The following ARMC5 variants were observed in gnomAD, a reference collection of about 807,000 sequenced individuals.
ARMC5 encodes armadillo repeat-containing protein 5.
Under a neutral mutation model 60.5 loss-of-function variants are expected in ARMC5, and 28 were observed. That is an observed-to-expected ratio of 0.46 (90% CI 0.34 to 0.63). The LOEUF (loss-of-function observed/expected upper bound fraction) is 0.63. ARMC5 is among the 30% of genes least tolerant of loss of function. The probability of loss-of-function intolerance (pLI) is 0.01; values close to 1 mark genes in which losing one functional copy is unlikely to be tolerated. For missense variants in ARMC5, 1,189 were observed against 1,304.9 expected (o/e 0.91, Z 1.37); for synonymous variants, 680 against 607.3 (o/e 1.12, Z -1.76).
intron 4 of ARMC5, chr16:31,465,254 A>T: frequency 6.5e-7 from 1 of 1,534,132 alleles, no homozygotes; most frequent in Non-Finnish European, 8.8e-7. Context: ...CATCACCCCC[A>T]GCACTGCCAG....
At chr16:31,465,570 T>C (rs976987779) in intron 4 of ARMC5, 2 of 1,231,532 alleles carry the variant, frequency 1.6e-6, no homozygotes, top group Non-Finnish European at 2.1e-6. Context: ...TATATTGTAT[T>C]ATACTGGAAC....
rs1333344606 is a variant in ARMC5, at chr16:31,464,278, A to G, written c.1371-116A>G. The G allele has an allele frequency of 3.3e-6, 3 of 902,630 alleles. No individual in the cohort carries two copies. Among genetic ancestry groups the G allele is most frequent in the African/African-American group, 3.7e-5 (2 of 53,526 alleles). 55.9% of individuals were successfully genotyped at this position (902,630 alleles called of 1,614,324 possible). On this transcript the variant is annotated intron_variant, in intron 3 of 5. Coordinates refer to ENST00000268314, the MANE Select transcript of ARMC5 (RefSeq NM_001105247.2). The surrounding 1 kb of genome is among the most constrained non-coding windows in gnomAD (Gnocchi z 7.6). ...GCATTCCAGCCTGGGCTATAGAGGGATACCACATTTCTTTAAAAAAAAAAA... is the reference window on the plus strand; with the variant it reads ...GCATTCCAGCCTGGGCTATAGAGGGGTACCACATTTCTTTAAAAAAAAAAA...
Position 31,466,611 on chromosome 16 carries a change from C to A in ARMC5, c.2530C>A (p.Leu844Met). 1 of 1,604,350 alleles carries A rather than the reference C, an allele frequency of 6.2e-7. No individual in the cohort carries two copies. Among genetic ancestry groups the A allele is most frequent in the African/African-American group, 1.3e-5 (1 of 74,952 alleles). ...EALEAAGRFLLPGLEEELEEA... is the reference protein window; with the variant it reads ...EALEAAGRFLMPGLEEELEEA... ...ACTGGAGGCTGCTGGCCGTTTCCTA[C>A]TGCCTGGGCTGGAGGAGGAGCTGGA... The change falls in exon 6 of 6, where the codon CTG (leucine) becomes ATG (methionine). Residue 844 changes from leucine (L) to methionine (M), a missense_variant. By Grantham distance (15) the Leu-to-Met change is conservative. Coordinates refer to ENST00000268314, the MANE Select transcript of ARMC5 (RefSeq NM_001105247.2). This position sits in a 1 kb window ranked among gnomAD's most constrained non-coding sequence, Gnocchi z 8.0.
rs771753877 is a variant in ARMC5 at position 31,459,868 on chromosome 16, C to G, written c.344C>G (p.Ser115Trp). The G allele has an allele frequency of 1.9e-6, 3 of 1,602,082 alleles. No homozygotes were observed. The highest frequency in any genetic ancestry group is 1.7e-5 in the Admixed American group (1 of 59,716). The change falls in exon 1 of 6, where the codon TCG (serine) becomes TGG (tryptophan). Residue 115 changes from serine (S) to tryptophan (W), a missense_variant. This residue lies in a region of ARMC5 where 327 missense variants were observed against 233.7 expected (regional missense o/e 1.40). Transcript: ENST00000268314. ...TCGGGCCCCGCCCCCTCCGCTGTGT[C>G]GTCGTCTAGTCCTACGCCGCCAGTG... ...PASGPAPSAV[S>W]SSSPTPPVRL...
chr16:31,464,361 G>T lies in ARMC5; in HGVS notation c.1371-33G>T. The T allele has an allele frequency of 6.8e-7, 1 of 1,481,370 alleles. No individual in the cohort carries two copies. The highest frequency in any genetic ancestry group is 1.4e-5 in the South Asian group (1 of 71,060). The allele number at this position is 1,481,370 out of a possible 1,614,324, so 91.8% of individuals were successfully genotyped here. On this transcript the variant is annotated intron_variant, in intron 3 of 5. Coordinates refer to ENST00000268314, the MANE Select transcript of ARMC5 (RefSeq NM_001105247.2). This position sits in a 1 kb window ranked among gnomAD's most constrained non-coding sequence, Gnocchi z 7.6. The stretch of plus-strand genomic sequence containing the variant: ...ACTCTGCCCCTTAACCTTGGCTCTG[G>T]GTTCAGTCTCCTTCCCTTTCTGCCC...
At chr16:31,459,367 C>G (rs1325092333), upstream of ARMC5, 3 of 1,536,368 alleles carry the variant, frequency 2.0e-6, no homozygotes, top group East Asian at 4.9e-5. Flanking sequence ...TGTGCAAGGA[C>G]AGACTTCCGG....
upstream of ARMC5, chr16:31,459,385 AACTACAACTTCCG>A: frequency 6.5e-7 from 1 of 1,536,880 alleles, no homozygotes; most frequent in Non-Finnish European, 8.7e-7. Context: ...CGGGGTCGAG[AACTACAACTTCCG>A]ACTTGCATCA....
At chr16:31,458,310 T>C (rs1355314174), upstream of ARMC5, 30 of 1,242,298 alleles carry the variant, frequency 2.4e-5, no homozygotes, top group Non-Finnish European at 3.3e-5. Context: ...GTAAGGCTTT[T>C]AGCGGTGTGA....
At position 31,466,190 on chromosome 16, in the gene ARMC5, C is replaced by G. The variant is rs2082356906; in HGVS notation, c.2109C>G (p.Asp703Glu). The G allele has an allele frequency of 6.2e-7, 1 of 1,612,786 alleles. No individual in the cohort carries two copies. The highest frequency in any genetic ancestry group is 8.5e-7 in the Non-Finnish European group (1 of 1,179,884). Residue 703 changes from aspartate to glutamate, a missense_variant, in exon 6 of 6, where the codon GAC becomes GAG. Transcript: ENST00000268314. This position sits in a 1 kb window ranked among gnomAD's most constrained non-coding sequence, Gnocchi z 8.0. ...CGCTCTTCCTCTTCTTTGCCGCGGACTCCCTTTCCTGCCTCCAAGACCTGG... is the reference window on the plus strand; with the variant it reads ...CGCTCTTCCTCTTCTTTGCCGCGGAGTCCCTTTCCTGCCTCCAAGACCTGG... ...PHPLFLFFAA[D>E]SLSCLQDLVS...
upstream of ARMC5, chr16:31,459,415 T>C (rs2082277811): frequency 6.5e-7 from 1 of 1,538,688 alleles, no homozygotes; most frequent in Admixed American, 2.0e-5. Flanking sequence ...ATCACTGCGG[T>C]GGCGCTAAAC....
At position 31,459,564 on chromosome 16, in the gene ARMC5, T is replaced by C; in HGVS notation, c.40T>C (p.Phe14Leu). Residue 14 changes from phenylalanine to leucine, a missense_variant, in exon 1 of 6, where the codon TTC (phenylalanine) becomes CTC (leucine). Physicochemically the swap from Phe to Leu is conservative, Grantham distance 22. Around this residue, in one of 2 missense-constraint regions of ARMC5, gnomAD observed 327 missense variants for 233.7 expected, o/e 1.40. Coordinates refer to ENST00000268314, the MANE Select transcript of ARMC5 (RefSeq NM_001105247.2). ...AKPTLTDSLS[F>L]CLAQLAAAAG... ...GCCAACCCTCACGGACTCGCTCTCG[T>C]TCTGCCTCGCGCAGCTCGCGGCGGC... 6.2e-7 allele frequency: 1 copy of C among 1,605,896 alleles called. No individual in the cohort carries two copies. Among genetic ancestry groups the C allele is most frequent in the Non-Finnish European group, 8.5e-7 (1 of 1,179,382 alleles).
At chr16:31,463,796 T>C (rs764651646) in intron 3 of ARMC5, among the ~76,000 whole-genome samples, 27 of 152,250 alleles carry the variant, frequency 1.8e-4, no homozygotes, top group South Asian at 4.1e-4. Context: ...GTACTCTTAC[T>C]TCTTGTCTGC....
At chr16:31,460,021 C>T (rs368494111) in intron 1 of ARMC5, 22 bp downstream of exon 1, 16 of 1,591,620 alleles carry the variant, frequency 1.0e-5, no homozygotes, top group Non-Finnish European at 1.3e-5. Flanking sequence ...GCCCCCGTTT[C>T]CTAGAAAGAT....
At chr16:31,459,428 C>G (rs1205383018), upstream of ARMC5, 1 of 1,540,568 alleles carries the variant, frequency 6.5e-7, no homozygotes, top group East Asian at 2.4e-5. Context: ...CGCTAAACAG[C>G]GTCAGCGAGG....
At chr16:31,459,290 CA>C (rs1168346188), upstream of ARMC5, 7 of 1,534,542 alleles carry the variant, frequency 4.6e-6, no homozygotes, top group Admixed American at 2.0e-5. Context: ...CGACGCGGAC[CA>C]CATCTCCCTC....
chr16:31,459,239 G>T (rs1409829966), upstream of ARMC5: 2 of 1,532,660 alleles, frequency 1.3e-6, no homozygotes, highest in African/African-American at 2.7e-5. Context: ...GGAGGGCCCT[G>T]GAAGAGTTTC....
At position 31,464,870 on chromosome 16, in the gene ARMC5, G is replaced by T. The variant is rs770389988; in HGVS notation, c.1847G>T (p.Ser616Ile). The T allele has an allele frequency of 1.9e-6, 3 of 1,601,528 alleles. No homozygotes were observed. The highest frequency in any genetic ancestry group is 1.3e-5 in the African/African-American group (1 of 74,890). The change falls in exon 4 of 6, where the codon AGC (serine) becomes ATC (isoleucine). Residue 616 changes from serine to isoleucine, a missense_variant. Around this residue, in one of 2 missense-constraint regions of ARMC5, gnomAD observed 862 missense variants for 1,071.2 expected, o/e 0.80. Coordinates refer to ENST00000268314, the MANE Select transcript of ARMC5 (RefSeq NM_001105247.2). This position sits in a 1 kb window ranked among gnomAD's most constrained non-coding sequence, Gnocchi z 7.6. ...CCACGTGCCCGGCCCACTCTCCACA[G>T]CCGGCACCGAGAGCTGGGTGAGTTC... ...PAPRARPTLH[S>I]RHRELGERLL... is the part of the protein sequence containing the mutation.
upstream of ARMC5, chr16:31,459,276 AGCTC>A (rs1482235465): frequency 6.5e-7 from 1 of 1,534,198 alleles, no homozygotes; most frequent in Non-Finnish European, 8.7e-7. Context: ...AGGCGTGAGA[AGCTC>A]GACGCGGACC....
At chr16:31,458,341 G>T (rs1341840282), upstream of ARMC5, 1 of 1,473,192 alleles carries the variant, frequency 6.8e-7, no homozygotes, top group Non-Finnish European at 9.2e-7. Flanking sequence ...GCTGGATCAG[G>T]TTGGAGCTGA....
Sources: allele counts gnomAD v4.1 joint callset (sites outside exome capture counted in the v4.1 genomes callset), GRCh38; gene constraint gnomAD v4.1.1; regional missense constraint gnomAD v4.1.1; non-coding constraint Gnocchi (gnomAD v3.1); transcripts MANE v1.5; gene names NCBI Gene and HGNC (gene_info 2026-07-23, HGNC 2026-07-21).